Variants in GALNT17 observed in about 807,000 individuals in gnomAD.
GALNT17 encodes the protein UDP-GalNAc:polypeptide N-acetylgalactosaminyltransferase-like 3.
In GALNT17, 29 loss-of-function variants were observed where a neutral mutation model predicts 63.7. The observed-to-expected ratio is 0.46, with a 90% CI of 0.34 to 0.62. The LOEUF (loss-of-function observed/expected upper bound fraction) is 0.62, where lower values mean the gene tolerates loss of function less well. GALNT17 is among the 20% of genes least tolerant of loss of function. The pLI is 0.01. For missense variants in GALNT17, 603 were observed against 799.6 expected, an observed-to-expected ratio of 0.75 and a Z score of 2.97; for synonymous variants, 305 against 318.3, an observed-to-expected ratio of 0.96 and a Z score of 0.45.
chr7:71,190,571 T>C (rs1409892654), intron 1 of GALNT17, among the ~76,000 whole-genome samples: 2 of 152,104 alleles, frequency 1.3e-5, no homozygotes, highest in African/African-American at 4.8e-5. Context: ...AATTACCCAG[T>C]CTCGGGTATT....
intron 1 of GALNT17, among the ~76,000 whole-genome samples, chr7:71,296,210 C>A (rs1005807829): frequency 6.6e-6 from 1 of 152,010 alleles, no homozygotes; most frequent in Non-Finnish European, 1.5e-5. Flanking sequence ...CTATCTATCT[C>A]TATTTATCAG....
intron 9 of GALNT17, among the ~76,000 whole-genome samples, chr7:71,688,187 C>T (rs1791389761): frequency 6.6e-6 from 1 of 152,136 alleles, no homozygotes; most frequent in Non-Finnish European, 1.5e-5. Flanking sequence ...CTTTTGCATT[C>T]CAATGCAACA....
intron 5 of GALNT17, among the ~76,000 whole-genome samples, chr7:71,510,034 T>C (rs1788330114): frequency 6.6e-6 from 1 of 152,106 alleles, no homozygotes; most frequent in Non-Finnish European, 1.5e-5. Flanking sequence ...AGCCTTGAAC[T>C]CCTGGGCTCA....
chr7:71,678,944 G>A lies in GALNT17; in HGVS notation c.1500+1638G>A, dbSNP rs182967362. Among the ~76,000 whole-genome samples, 314 of 131,292 alleles carry A rather than the reference G, an allele frequency of 2.4e-3. 2 individuals are homozygous for A. Among genetic ancestry groups the A allele is most frequent in the Non-Finnish European group, 3.4e-3 (216 of 63,354 alleles). The allele number at this position is 131,292 out of a possible 152,430, so 86.1% of individuals were successfully genotyped here. On this transcript the variant is annotated intron_variant, in intron 9 of 10. Transcript: ENST00000333538. The stretch of plus-strand genomic sequence containing the variant: ...CGCACTAGAGCCTGGGCGACAGAGC[G>A]AGACTCCATCTCAAAAAAAAAAAAA...
intron 6 of GALNT17, among the ~76,000 whole-genome samples, chr7:71,581,393 C>T (rs1352795240): frequency 6.6e-6 from 1 of 152,116 alleles, no homozygotes; most frequent in Non-Finnish European, 1.5e-5. Context: ...CTCCTGGCCT[C>T]ATGTGATCCA....
intron 9 of GALNT17, among the ~76,000 whole-genome samples, chr7:71,693,209 A>G (rs1791482708): frequency 6.7e-6 from 1 of 149,290 alleles, no homozygotes; most frequent in Non-Finnish European, 1.5e-5. Flanking sequence ...GTGTGTGTAT[A>G]TATATCTACA....
At chr7:71,221,605 G>C (rs1789585634) in intron 1 of GALNT17, among the ~76,000 whole-genome samples, 1 of 152,044 alleles carries the variant, frequency 6.6e-6, no homozygotes, top group African/African-American at 2.4e-5. Flanking sequence ...GATTCTCCCT[G>C]CTATGGACTG....
chr7:71,543,792 TTTTCTTTC>T (rs1788932942), intron 5 of GALNT17, among the ~76,000 whole-genome samples: 1 of 68,432 alleles, frequency 1.5e-5, no homozygotes, highest in Non-Finnish European at 3.3e-5. Context: ...CCTTTCTTTC[TTTTCTTTC>T]TTTTTTTTTT....
chr7:71,468,738 C>T (rs570226297), intron 5 of GALNT17, among the ~76,000 whole-genome samples: 21 of 152,040 alleles, frequency 1.4e-4, no homozygotes, highest in African/African-American at 5.1e-4. Flanking sequence ...CCATCTTGAC[C>T]TGGGTGTTTG....
chr7:71,535,374 T>A (rs1447310937), intron 5 of GALNT17, among the ~76,000 whole-genome samples: 1 of 152,194 alleles, frequency 6.6e-6, no homozygotes, highest in Non-Finnish European at 1.5e-5. Context: ...TGCATCTGCC[T>A]TCTGGATCTG....
At chr7:71,669,560 CTTT>C (rs563584462) in intron 7 of GALNT17, among the ~76,000 whole-genome samples, 82 of 124,970 alleles carry the variant, frequency 6.6e-4, no homozygotes, top group African/African-American at 1.1e-3. Flanking sequence ...GGCTTAAGAT[CTTT>C]TTTTTTTTTT....
chr7:71,649,331 C>T (rs901850352), intron 6 of GALNT17, among the ~76,000 whole-genome samples: 1 of 152,180 alleles, frequency 6.6e-6, no homozygotes, highest in Non-Finnish European at 1.5e-5. Flanking sequence ...CACCAATACA[C>T]CAAAACAGCA....
intron 2 of GALNT17, among the ~76,000 whole-genome samples, chr7:71,352,430 C>T (rs1428807099): frequency 6.6e-6 from 1 of 152,162 alleles, no homozygotes; most frequent in Non-Finnish European, 1.5e-5. Context: ...AGGAATACTA[C>T]TGGGTTTTAG....
At chr7:71,324,838 G>A (rs531310261) in intron 1 of GALNT17, among the ~76,000 whole-genome samples, 1 of 152,232 alleles carries the variant, frequency 6.6e-6, no homozygotes, top group East Asian at 1.9e-4. Context: ...TTGTGTACAT[G>A]TAATAATTGA....
rs113372723 is a variant in GALNT17, at chr7:71,557,071, T to C, written c.963-14214T>C. On this transcript the variant is annotated intron_variant, in intron 5 of 10. Coordinates refer to ENST00000333538, the MANE Select transcript of GALNT17 (RefSeq NM_022479.3). The stretch of plus-strand genomic sequence containing the variant: ...CCAGCTAATTTTTTTTTTTTTTTTT[T>C]GGGGAGAGATAGGGTCTCTCTATGT... 5.9e-3 allele frequency among the ~76,000 whole-genome samples: 780 copies of C among 131,456 alleles called. 3 individuals carry two copies. Among genetic ancestry groups the C allele is most frequent in the Non-Finnish European group, 9.7e-3 (581 of 59,632 alleles). 86.2% of individuals were successfully genotyped at this position (131,456 alleles called of 152,430 possible). A position where few individuals can be genotyped will look rare whatever the true frequency, so the allele number is the denominator to read the frequency against.
intron 5 of GALNT17, among the ~76,000 whole-genome samples, chr7:71,472,379 G>T (rs977937550): frequency 6.6e-6 from 1 of 152,190 alleles, no homozygotes; most frequent in African/African-American, 2.4e-5. Flanking sequence ...GACAAAGCTA[G>T]CTTAATGAGA....
intron 9 of GALNT17, among the ~76,000 whole-genome samples, chr7:71,698,031 G>A (rs1419159486): frequency 6.7e-6 from 1 of 149,860 alleles, no homozygotes; most frequent in South Asian, 2.1e-4. Flanking sequence ...GCTGAGGCAG[G>A]AGAATTGCTT....
intron 5 of GALNT17, among the ~76,000 whole-genome samples, chr7:71,552,337 G>A (rs866778514): frequency 1.3e-5 from 2 of 151,978 alleles, no homozygotes; most frequent in Non-Finnish European, 2.9e-5. Context: ...GAGCTGCTGT[G>A]CCTGGCATAT....
At chr7:71,508,944 G>T (rs545179735) in intron 5 of GALNT17, among the ~76,000 whole-genome samples, 1 of 152,266 alleles carries the variant, frequency 6.6e-6, no homozygotes, top group East Asian at 1.9e-4. Context: ...GTGTATGCGT[G>T]TGCATGCCCG....
Sources: allele counts gnomAD v4.1 joint callset (sites outside exome capture counted in the v4.1 genomes callset), GRCh38; gene constraint gnomAD v4.1.1; transcripts MANE v1.5; gene names NCBI Gene and HGNC (gene_info 2026-07-23, HGNC 2026-07-21).